Variants in PRKAG2 observed in about 807,000 individuals in gnomAD.
PRKAG2 encodes protein kinase AMP-activated non-catalytic subunit gamma 2.
Under a neutral mutation model 69.6 loss-of-function variants are expected in PRKAG2, and 26 were observed. The ratio of observed to expected loss-of-function variants is 0.37; its 90% CI spans 0.27 to 0.52. The LOEUF (loss-of-function observed/expected upper bound fraction) is 0.52, where lower values mean the gene tolerates loss of function less well. Ranked by LOEUF, PRKAG2 falls within the 20% of genes least tolerant of loss-of-function variation. The probability of loss-of-function intolerance (pLI) is 0.90; values close to 1 mark genes in which losing one functional copy is unlikely to be tolerated. For missense variants in PRKAG2, 557 were observed against 740.0 expected (o/e 0.75, Z 2.87); for synonymous variants, 293 against 285.0 (o/e 1.03, Z -0.28).
In PRKAG2 at chr7:151,814,970, G is replaced by A. The variant is rs2078598250; in HGVS notation, c.115-28429C>T. ...GGAGGCAGGAGCAGAGGCCGATGAT[G>A]CAGCAGTGGACAGCTCTGGGCTCCA... is the stretch of plus-strand genomic sequence containing the variant. On this transcript the variant is annotated intron_variant, in intron 1 of 15. Coordinates refer to ENST00000287878, the MANE Select transcript of PRKAG2 (RefSeq NM_016203.4). This position sits in a 1 kb window ranked among gnomAD's most constrained non-coding sequence, Gnocchi z 4.8. 3.5e-6 allele frequency: 3 copies of A among 856,950 alleles called. No homozygotes were observed. The highest frequency in any genetic ancestry group is 4.6e-6 in the Non-Finnish European group (3 of 646,860). 53.1% of individuals were successfully genotyped at this position (856,950 alleles called of 1,614,324 possible). A position where few individuals can be genotyped will look rare whatever the true frequency, so the allele number is the denominator to read the frequency against.
chr7:151,865,261 C>T (rs986268123), intron 1 of PRKAG2, among the ~76,000 whole-genome samples: 1 of 152,218 alleles, frequency 6.6e-6, no homozygotes, highest in East Asian at 1.9e-4. Context: ...CCCCGCGGCT[C>T]GGCTGGCATG....
At chr7:151,701,684 A>T (rs1349566853) in intron 3 of PRKAG2, among the ~76,000 whole-genome samples, 6 of 152,078 alleles carry the variant, frequency 3.9e-5, no homozygotes, top group Admixed American at 3.3e-4. Context: ...TCTACTAAAA[A>T]TACAAAAAAT....
intron 1 of PRKAG2, among the ~76,000 whole-genome samples, chr7:151,862,099 C>G (rs1341685327): frequency 6.6e-6 from 1 of 152,078 alleles, no homozygotes; most frequent in African/African-American, 2.4e-5. Flanking sequence ...ATCTGGCCCC[C>G]GGGCTCTGCA....
chr7:151,653,724 C>G (rs1281053144), intron 4 of PRKAG2, among the ~76,000 whole-genome samples: 1 of 152,144 alleles, frequency 6.6e-6, no homozygotes, highest in African/African-American at 2.4e-5. Context: ...TGCCTGTAAT[C>G]CCAGCTACTT....
In PRKAG2 at chr7:151,846,567, C is replaced by T. The variant is rs1315292549; in HGVS notation, c.114+29940G>A. ...TGCAATTTGGAACTACCCTATCCCA[C>T]AACGCCACCTCTGTTTCTGAGGGAC... On this transcript the variant is annotated intron_variant, in intron 1 of 15. Coordinates refer to ENST00000287878, the MANE Select transcript of PRKAG2 (RefSeq NM_016203.4). Among the ~76,000 whole-genome samples the T allele has an allele frequency of 2.6e-5, 4 of 152,328 alleles. No homozygotes were observed. In the East Asian group the frequency reaches 7.7e-4, roughly 29 times the overall value.
Position 151,632,389 on chromosome 7 carries a change from T to TC in PRKAG2, c.685-252dup, listed in dbSNP as rs1487408362. ...CCCCTCCGCGAGTGGGACGCGCCGCTCCCCCCCGCGCCTTGGTACGGCCCG... is the reference window on the plus strand; with the variant it reads ...CCCCTCCGCGAGTGGGACGCGCCGCTCCCCCCCCGCGCCTTGGTACGGCCCG... On this transcript the variant is annotated intron_variant, in intron 4 of 15. Coordinates refer to ENST00000287878, the MANE Select transcript of PRKAG2 (RefSeq NM_016203.4). This position sits in a 1 kb window ranked among gnomAD's most constrained non-coding sequence, Gnocchi z 4.2. The TC allele has an allele frequency of 1.4e-4, 63 of 457,818 alleles. No individual in the cohort carries two copies. The highest frequency in any genetic ancestry group is 1.5e-4 in the African/African-American group (7 of 45,642). 28.4% of individuals were successfully genotyped at this position (457,818 alleles called of 1,614,324 possible). A position where few individuals can be genotyped will look rare whatever the true frequency, so the allele number is the denominator to read the frequency against.
chr7:151,605,205 C>T (rs776999192), intron 5 of PRKAG2, among the ~76,000 whole-genome samples: 27 of 151,406 alleles, frequency 1.8e-4, no homozygotes, highest in Non-Finnish European at 3.4e-4. Context: ...TTAGTAGAGA[C>T]GGGGTTTCAC....
intron 1 of PRKAG2, chr7:151,790,730 G>A (rs1252045954): frequency 6.6e-6 from 1 of 152,236 alleles, no homozygotes; most frequent in Non-Finnish European, 1.5e-5. Context: ...TTCCTCTCTG[G>A]TTTCAAATTC....
intron 4 of PRKAG2, among the ~76,000 whole-genome samples, chr7:151,639,120 C>A (rs745359684): frequency 6.6e-6 from 1 of 152,228 alleles, no homozygotes; most frequent in Non-Finnish European, 1.5e-5. Context: ...CTCCTGAGCT[C>A]CACACTGCCA....
At chr7:151,754,282 G>A (rs887825383) in intron 3 of PRKAG2, among the ~76,000 whole-genome samples, 4 of 152,242 alleles carry the variant, frequency 2.6e-5, no homozygotes, top group African/African-American at 7.2e-5. Flanking sequence ...GCTGTCCCCA[G>A]GGACCACACG....
chr7:151,557,387 C>T (rs1803973947), intron 15 of PRKAG2, 155 bp from the exon 16 acceptor site: 1 of 985,294 alleles, frequency 1.0e-6, no homozygotes, highest in Admixed American at 6.1e-5. Context: ...GCCCAAGCTC[C>T]CATCTCCCAC....
At chr7:151,701,915 C>T (rs1246582853) in intron 3 of PRKAG2, among the ~76,000 whole-genome samples, 1 of 152,026 alleles carries the variant, frequency 6.6e-6, no homozygotes, top group African/African-American at 2.4e-5. Context: ...AGCAGGTTCT[C>T]CTTCAGGGCC....
At chr7:151,670,479 A>T (rs900659552) in intron 4 of PRKAG2, among the ~76,000 whole-genome samples, 2 of 152,190 alleles carry the variant, frequency 1.3e-5, no homozygotes, top group Non-Finnish European at 2.9e-5. Flanking sequence ...TCTAATTTCC[A>T]TAACCAGTTA....
In PRKAG2 at chr7:151,632,564, C is replaced by A. The variant is rs1441364104; in HGVS notation, c.685-426G>T. On this transcript the variant is annotated intron_variant, in intron 4 of 15. Coordinates refer to ENST00000287878, the MANE Select transcript of PRKAG2 (RefSeq NM_016203.4). This position sits in a 1 kb window ranked among gnomAD's most constrained non-coding sequence, Gnocchi z 4.2. ...CCGCCCCCACTCCGCCCCCCGGCGCCGCTCACCTTCCCAGCACCGGCGGCC... is the reference window on the plus strand; with the variant it reads ...CCGCCCCCACTCCGCCCCCCGGCGCAGCTCACCTTCCCAGCACCGGCGGCC... The A allele has an allele frequency of 2.0e-6, 2 of 984,654 alleles. No individual in the cohort carries two copies. The allele number at this position is 984,654 out of a possible 1,614,324, so 61.0% of individuals were successfully genotyped here.
At chr7:151,717,094 A>T (rs1796301681) in intron 3 of PRKAG2, among the ~76,000 whole-genome samples, 1 of 152,122 alleles carries the variant, frequency 6.6e-6, no homozygotes, top group Non-Finnish European at 1.5e-5. Flanking sequence ...TAAAAGTATA[A>T]AAATTAGTCG....
chr7:151,853,191 C>T (rs996614055), intron 1 of PRKAG2, among the ~76,000 whole-genome samples: 5 of 152,072 alleles, frequency 3.3e-5, no homozygotes, highest in African/African-American at 1.2e-4. Flanking sequence ...GGACTGGATG[C>T]GTGAGTGTGC....
At chr7:151,674,512 C>G (rs577609177) in intron 4 of PRKAG2, among the ~76,000 whole-genome samples, 3 of 152,148 alleles carry the variant, frequency 2.0e-5, no homozygotes, top group Admixed American at 6.5e-5. Context: ...TGGGTACCTG[C>G]GGTAATTAAA....
chr7:151,657,540 C>T (rs1829620341), intron 4 of PRKAG2, among the ~76,000 whole-genome samples: 1 of 152,198 alleles, frequency 6.6e-6, no homozygotes, highest in Non-Finnish European at 1.5e-5. Context: ...CTATCTCAAT[C>T]ATTTACTAGT....
At chr7:151,832,258 G>A (rs2079048145) in intron 1 of PRKAG2, among the ~76,000 whole-genome samples, 1 of 126,068 alleles carries the variant, frequency 7.9e-6, no homozygotes, top group African/African-American at 4.0e-5. Context: ...GAAGGGAGGA[G>A]GGAAGGAAGG....
Sources: allele counts gnomAD v4.1 joint callset (sites outside exome capture counted in the v4.1 genomes callset), GRCh38; gene constraint gnomAD v4.1.1; non-coding constraint Gnocchi (gnomAD v3.1); transcripts MANE v1.5; gene names NCBI Gene and HGNC (gene_info 2026-07-23, HGNC 2026-07-21).